Variants in PCDHA3 observed in about 807,000 individuals in gnomAD.
PCDHA3 encodes protocadherin alpha-3.
Under a neutral mutation model 62.2 loss-of-function variants are expected in PCDHA3, and 41 were observed. The observed-to-expected ratio is 0.66, with a 90% CI of 0.51 to 0.86. The LOEUF is 0.86. Ranked by LOEUF, PCDHA3 falls within the 40% of genes least tolerant of loss-of-function variation. The pLI, the probability that PCDHA3 is intolerant of heterozygous loss-of-function variation, is 0.00. For synonymous variants in PCDHA3, 640 were observed against 555.4 expected, an observed-to-expected ratio of 1.15 and a Z score of -2.14; for missense variants, 1,304 against 1,241.2, an observed-to-expected ratio of 1.05 and a Z score of -0.76.
intron 1 of PCDHA3, chr5:140,882,094 C>A: frequency 2.6e-6 from 3 of 1,172,678 alleles, no homozygotes; most frequent in Non-Finnish European, 3.5e-6. Flanking sequence ...TCACTGAGAA[C>A]GTTTCCGCGA....
chr5:140,967,012 G>C (rs1554229065), intron 1 of PCDHA3: 1 of 1,606,656 alleles, frequency 6.2e-7, no homozygotes, highest in African/African-American at 1.3e-5. Flanking sequence ...TCAACCATCT[G>C]GGTGCGCCCA....
intron 1 of PCDHA3, chr5:140,966,814 CCGG>C (rs2096057641): frequency 1.9e-6 from 3 of 1,552,444 alleles, no homozygotes; most frequent in Non-Finnish European, 2.6e-6. Flanking sequence ...ATCCACGGCT[CCGG>C]CGGCCCATGC....
chr5:140,887,769 T>A (rs1012351831), intron 1 of PCDHA3, among the ~76,000 whole-genome samples: 23 of 152,212 alleles, frequency 1.5e-4, no homozygotes, highest in African/African-American at 5.5e-4. Flanking sequence ...TATGTTACAA[T>A]GACACAGGTC....
intron 1 of PCDHA3, chr5:140,882,928 C>T: frequency 6.2e-7 from 1 of 1,614,140 alleles, no homozygotes; most frequent in Non-Finnish European, 8.5e-7. Context: ...GAGGTAAACC[C>T]GAGCTGACTG....
intron 1 of PCDHA3, chr5:140,855,925 C>A: frequency 1.6e-6 from 2 of 1,240,618 alleles, no homozygotes; most frequent in African/African-American, 1.5e-5. Flanking sequence ...TAGGAAGTAG[C>A]GTCATTCTGA....
intron 1 of PCDHA3, among the ~76,000 whole-genome samples, chr5:140,948,191 C>A (rs2094221032): frequency 6.6e-6 from 1 of 151,562 alleles, no homozygotes; most frequent in African/African-American, 2.4e-5. Context: ...CCCACTTAGT[C>A]ATGATATATT....
At position 140,927,438 on chromosome 5, in the gene PCDHA3, C is replaced by A. The variant is rs1446762816; in HGVS notation, c.2395-51511C>A. ...GATCGCGGGTTGACGGCAGCGAATACCCGGAGTTGGTGTTGGAGAAAGCAC... is the reference window on the plus strand; with the variant it reads ...GATCGCGGGTTGACGGCAGCGAATAACCGGAGTTGGTGTTGGAGAAAGCAC... On this transcript the variant is annotated intron_variant, in intron 1 of 3. Coordinates refer to ENST00000522353, the MANE Select transcript of PCDHA3 (RefSeq NM_018906.3). 3 of 1,614,032 alleles carry A rather than the reference C, an allele frequency of 1.9e-6. No individual in the cohort carries two copies. The Admixed American group carries it at 5.0e-5, about 27-fold the overall frequency.
At position 141,010,207 on chromosome 5, in the gene PCDHA3, A is replaced by C; in HGVS notation, c.*270A>C. The C allele has an allele frequency of 6.4e-7, 1 of 1,551,870 alleles. No homozygotes were observed. ...CCAAGTTTCCTTTCTCCTCCGCCGC[A>C]AAGGAGAGGCTTCCCAGCCCCGCCA... On this transcript the variant is annotated 3_prime_UTR_variant, in exon 4 of 4. Transcript: ENST00000522353.
chr5:140,832,186 C>T (rs1186762604), intron 1 of PCDHA3, among the ~76,000 whole-genome samples: 1 of 152,198 alleles, frequency 6.6e-6, no homozygotes, highest in African/African-American at 2.4e-5. Context: ...ATTCAAAAGA[C>T]ATTTAACCTG....
chr5:140,900,799 G>T (rs797036955), intron 1 of PCDHA3, among the ~76,000 whole-genome samples: 1 of 152,138 alleles, frequency 6.6e-6, no homozygotes, highest in East Asian at 1.9e-4. Context: ...GTTCTCCATA[G>T]TGCTTGTACT....
intron 1 of PCDHA3, chr5:140,859,924 T>C (rs1554152837): frequency 6.6e-6 from 1 of 151,964 alleles, no homozygotes; most frequent in African/African-American, 2.4e-5. Flanking sequence ...ATAAGTAATA[T>C]AAAAAACTTA....
At chr5:140,889,910 T>C (rs1554184095) in intron 1 of PCDHA3, among the ~76,000 whole-genome samples, 1 of 152,156 alleles carries the variant, frequency 6.6e-6, no homozygotes, top group East Asian at 1.9e-4. Flanking sequence ...GAGATTGTCA[T>C]ACTGTAAAGA....
At chr5:140,828,462 G>A (rs2150155526) in intron 1 of PCDHA3, 15 of 1,614,182 alleles carry the variant, frequency 9.3e-6, no homozygotes, top group South Asian at 8.8e-5. Context: ...GTGGAGGTGA[G>A]GGACATTAAC....
intron 1 of PCDHA3, chr5:140,841,202 A>AT: frequency 7.6e-7 from 1 of 1,311,932 alleles, no homozygotes; most frequent in East Asian, 2.4e-5. Context: ...CTCTGACAGC[A>AT]TCTGTCTCTA....
intron 1 of PCDHA3, chr5:140,836,547 CG>C (rs2150263715): frequency 3.1e-6 from 5 of 1,613,738 alleles, no homozygotes; most frequent in Non-Finnish European, 3.4e-6. Context: ...CACGGCGTTG[CG>C]GTGCTCAGCG....
At chr5:140,840,288 A>G (rs2150305409) in intron 1 of PCDHA3, among the ~76,000 whole-genome samples, 1,565 of 152,122 alleles carry the variant, frequency 0.01, 48 homozygotes, top group African/African-American at 0.036. Flanking sequence ...TTGGGTGATT[A>G]TTGATTAGAT....
intron 3 of PCDHA3, among the ~76,000 whole-genome samples, chr5:140,996,297 T>TGTAACAAAGTAAGGGG (rs2097720569): frequency 6.6e-6 from 1 of 152,196 alleles, no homozygotes; most frequent in Non-Finnish European, 1.5e-5. Context: ...AAGCACAGAT[T>TGTAACAAAGTAAGGGG]GTAACAAAGT....
intron 3 of PCDHA3, among the ~76,000 whole-genome samples, chr5:141,002,322 G>A (rs1477526091): frequency 6.6e-6 from 1 of 152,190 alleles, no homozygotes; most frequent in South Asian, 2.1e-4. Context: ...CCTGGAGGCC[G>A]GGCTGCATCC....
At chr5:140,953,258 T>C (rs1042358653) in intron 1 of PCDHA3, among the ~76,000 whole-genome samples, 22 of 152,304 alleles carry the variant, frequency 1.4e-4, no homozygotes, top group African/African-American at 5.3e-4. Context: ...TTAGTTCTTT[T>C]AGCTTTAGCC....
Sources: gnomAD v4.1 joint callset for allele counts (sites outside exome capture counted in the v4.1 genomes callset) on GRCh38, gnomAD v4.1.1 for gene constraint, MANE v1.5 for transcripts, NCBI Gene and HGNC (gene_info 2026-07-23, HGNC 2026-07-21) for gene names.